The following ABLIM1 variants were observed in gnomAD, a reference collection of about 807,000 sequenced individuals.
The protein encoded by ABLIM1 is actin-binding LIM protein 1.
A neutral mutation model predicts 107.0 loss-of-function variants in ABLIM1; 40 were observed. The observed-to-expected ratio is 0.37, with a 90% confidence interval of 0.29 to 0.49. The LOEUF (loss-of-function observed/expected upper bound fraction) is 0.49, where lower values mean the gene tolerates loss of function less well. Among genes scored for constraint, ABLIM1 ranks in the 20% least tolerant of loss-of-function variants. The probability of loss-of-function intolerance (pLI) is 0.97; values close to 1 mark genes in which losing one functional copy is unlikely to be tolerated. For synonymous variants in ABLIM1, 357 were observed against 357.3 expected (o/e 1.00, Z 0.01); for missense variants, 857 against 1,008.5 (o/e 0.85, Z 2.04).
chr10:114,796,127 G>A, the ABLIM1 span, among the ~76,000 whole-genome samples: 1 of 152,150 alleles, frequency 6.6e-6, no homozygotes, highest in Non-Finnish European at 1.5e-5. Context: ...GTGACTTTGG[G>A]TAAGCTTCAA....
At chr10:114,656,146 G>C (rs11196840) in intron 1 of ABLIM1, among the ~76,000 whole-genome samples, 107,993 of 151,564 alleles carry the variant, frequency 0.71, 38,633 homozygotes, top group African/African-American at 0.79. Context: ...GGCACATGCC[G>C]GTAATCCAAA....
chr10:114,667,851 G>A (rs2080089743), intron 1 of ABLIM1, among the ~76,000 whole-genome samples: 1 of 152,264 alleles, frequency 6.6e-6, no homozygotes, highest in East Asian at 1.9e-4. Context: ...CCTCTAGCAT[G>A]TACCCCAATG....
At chr10:114,631,892 T>A (rs1292320549) in intron 1 of ABLIM1, 1 of 1,304,032 alleles carries the variant, frequency 7.7e-7, no homozygotes, top group African/African-American at 1.5e-5. Context: ...TGATCGATAT[T>A]TATAATTACC....
intron 10 of ABLIM1, among the ~76,000 whole-genome samples, chr10:114,471,947 C>T (rs1047419392): frequency 2.6e-5 from 4 of 151,762 alleles, no homozygotes; most frequent in African/African-American, 7.3e-5. Flanking sequence ...CCAGGGGAAA[C>T]GGACTTGGGT....
rs182443239 is a variant in ABLIM1, at chr10:114,766,554, G to T, written c.-213+1507C>A. Among the ~76,000 whole-genome samples, 109 of 152,168 alleles carry T rather than the reference G, an allele frequency of 7.2e-4. 3 individuals are homozygous for T. The South Asian group carries it at 0.022, about 30-fold the overall frequency. On this transcript the variant is annotated intron_variant, in intron 1 of 15. Coordinates refer to the ABLIM1 transcript ENST00000651092. ...CAGAGACTAAATGAAATTGTGTGAC[G>T]GCCTAACAAACTTGATGCTTCCTAG... is the stretch of plus-strand genomic sequence containing the variant.
intron 1 of ABLIM1, among the ~76,000 whole-genome samples, chr10:114,645,261 C>A (rs1256842939): frequency 6.6e-6 from 1 of 151,536 alleles, no homozygotes; most frequent in Non-Finnish European, 1.5e-5. Flanking sequence ...TAGATAAATA[C>A]CCCAGCTTCC....
At chr10:114,732,180 C>CTTTTCTT (rs1485801602) in intron 1 of ABLIM1, among the ~76,000 whole-genome samples, 7 of 109,878 alleles carry the variant, frequency 6.4e-5, no homozygotes, top group African/African-American at 2.0e-4. Context: ...CTTTTCTTTT[C>CTTTTCTT]TTTTTTTTTT....
At chr10:114,755,890 T>A (rs1163542838) in intron 1 of ABLIM1, among the ~76,000 whole-genome samples, 2 of 152,228 alleles carry the variant, frequency 1.3e-5, no homozygotes, top group Admixed American at 6.5e-5. Context: ...ATGTATCTAC[T>A]TTTTATTTCA....
intron 6 of ABLIM1, among the ~76,000 whole-genome samples, chr10:114,510,654 T>C (rs2061718810): frequency 9.9e-6 from 1 of 100,706 alleles, no homozygotes; most frequent in Non-Finnish European, 1.9e-5. Flanking sequence ...TTTTATTTTA[T>C]TATTTTTTTT....
chr10:114,786,170 T>C, the ABLIM1 span, among the ~76,000 whole-genome samples: 3 of 152,220 alleles, frequency 2.0e-5, no homozygotes, highest in African/African-American at 7.2e-5. Context: ...GCAGATCATT[T>C]AATTGTCTAC....
At chr10:114,555,655 C>T (rs192057164) in intron 4 of ABLIM1, among the ~76,000 whole-genome samples, 46 of 152,260 alleles carry the variant, frequency 3.0e-4, no homozygotes, top group African/African-American at 9.9e-4. Flanking sequence ...ATGCATCTAA[C>T]CAATGCTTGC....
At position 114,707,997 on chromosome 10, in the gene ABLIM1, T is replaced by C. The variant is rs907174641; in HGVS notation, c.-213+60064A>G. On this transcript the variant is annotated intron_variant, in intron 1 of 15. Coordinates refer to the ABLIM1 transcript ENST00000651092. This position sits in a 1 kb window ranked among gnomAD's most constrained non-coding sequence, Gnocchi z 4.1. The stretch of plus-strand genomic sequence containing the variant: ...AAGCCTTTATGCTAACCGCTGTTTT[T>C]CAAAGCCTGTCCTGGTGGCAGGTCT... 2.0e-5 allele frequency among the ~76,000 whole-genome samples: 3 copies of C among 152,238 alleles called. No individual in the cohort carries two copies. The highest frequency in any genetic ancestry group is 7.2e-5 in the African/African-American group (3 of 41,468).
At chr10:114,689,061 T>C (rs938138579), upstream of ABLIM1, among the ~76,000 whole-genome samples, 2 of 152,214 alleles carry the variant, frequency 1.3e-5, no homozygotes, top group South Asian at 2.1e-4. Flanking sequence ...TGATGGGTAG[T>C]CCCTGTCTCT....
At chr10:114,774,867 G>C in the ABLIM1 span, among the ~76,000 whole-genome samples, 627 of 152,186 alleles carry the variant, frequency 4.1e-3, 3 homozygotes, top group African/African-American at 0.014. Context: ...GCAGAAGCCA[G>C]GGGAAAAAAA....
At chr10:114,466,985 C>T (rs1430790509) in intron 11 of ABLIM1, among the ~76,000 whole-genome samples, 1 of 152,014 alleles carries the variant, frequency 6.6e-6, no homozygotes, top group Non-Finnish European at 1.5e-5. Flanking sequence ...ATGGTGAAAC[C>T]CTGTCTCTAC....
chr10:114,475,759 G>A (rs934151862), intron 8 of ABLIM1, among the ~76,000 whole-genome samples: 1 of 152,198 alleles, frequency 6.6e-6, no homozygotes, highest in African/African-American at 2.4e-5. Context: ...TATGTGAGCA[G>A]GAAGGAAACT....
Position 114,598,724 on chromosome 10 carries a change from A to T in ABLIM1, c.379+3103T>A, listed in dbSNP as rs146306544. Among the ~76,000 whole-genome samples the T allele has an allele frequency of 1.3e-4, 20 of 152,358 alleles. No homozygotes were observed. The East Asian group carries it at 3.7e-3, about 28-fold the overall frequency. On this transcript the variant is annotated intron_variant, in intron 2 of 22. Transcript: ENST00000533213. ...TTTTTATATTACTTGTTGAAATGAT[A>T]ATATTTTAGATAGGGTTAAATAAAA... is the stretch of plus-strand genomic sequence containing the variant.
At chr10:114,671,353 G>T (rs2080245884) in intron 1 of ABLIM1, among the ~76,000 whole-genome samples, 1 of 152,094 alleles carries the variant, frequency 6.6e-6, no homozygotes, top group African/African-American at 2.4e-5. Context: ...GGGGACATTT[G>T]GGTTTTTCTA....
At chr10:114,684,241 T>G (rs775352455) in intron 1 of ABLIM1, 1 of 1,566,960 alleles carries the variant, frequency 6.4e-7, no homozygotes, top group Non-Finnish European at 8.7e-7. Flanking sequence ...AAAGACACGG[T>G]CGACCCCAGA....
Sources: allele counts gnomAD v4.1 joint callset (sites outside exome capture counted in the v4.1 genomes callset), GRCh38; gene constraint gnomAD v4.1.1; non-coding constraint Gnocchi (gnomAD v3.1); transcripts MANE v1.5; gene names NCBI Gene and HGNC (gene_info 2026-07-23, HGNC 2026-07-21).